The following SLX4IP variants were observed in gnomAD, a reference collection of about 807,000 sequenced individuals.
The protein encoded by SLX4IP is SLX4 interacting protein.
SLX4IP carries 34 observed loss-of-function variants against 32.9 expected under a neutral mutation model. The observed-to-expected ratio is 1.03, with a 90% confidence interval of 0.79 to 1.38. SLX4IP has a LOEUF of 1.38. Ranked by LOEUF, SLX4IP falls within the 40% of genes most tolerant of loss-of-function variation. The pLI is 0.00. For missense variants in SLX4IP, 444 were observed against 479.0 expected, an observed-to-expected ratio of 0.93 and a Z score of 0.68; for synonymous variants, 172 against 171.7, an observed-to-expected ratio of 1.00 and a Z score of -0.01.
chr20:10,529,986 C>T (rs1428583165), intron 2 of SLX4IP, among the ~76,000 whole-genome samples: 1 of 152,180 alleles, frequency 6.6e-6, no homozygotes, highest in Non-Finnish European at 1.5e-5. Flanking sequence ...CGTGAAGATT[C>T]TAGTTCTCTC....
intron 2 of SLX4IP, among the ~76,000 whole-genome samples, chr20:10,505,592 T>C (rs2065752630): frequency 6.6e-6 from 1 of 152,170 alleles, no homozygotes; most frequent in African/African-American, 2.4e-5. Context: ...GTACTGAAGA[T>C]CCGTGTTTGG....
intron 7 of SLX4IP, among the ~76,000 whole-genome samples, 186 bp from the exon 8 acceptor site, chr20:10,622,473 T>C (rs2067122693): frequency 6.6e-6 from 1 of 152,210 alleles, no homozygotes; most frequent in South Asian, 2.1e-4. Context: ...TGAAGGTTTT[T>C]GCTTGATTCA....
At chr20:10,458,843 A>G (rs1414168484) in intron 2 of SLX4IP, among the ~76,000 whole-genome samples, 1 of 152,122 alleles carries the variant, frequency 6.6e-6, no homozygotes, top group African/African-American at 2.4e-5. Context: ...GTTTCTTTAT[A>G]ATAGAATGAT....
At chr20:10,477,870 T>A (rs2065488421) in intron 2 of SLX4IP, among the ~76,000 whole-genome samples, 1 of 151,828 alleles carries the variant, frequency 6.6e-6, no homozygotes, top group African/African-American at 2.4e-5. Flanking sequence ...GAAATCTGTG[T>A]GTTGTGGTGT....
chr20:10,559,335 T>C (rs999724348), intron 3 of SLX4IP, among the ~76,000 whole-genome samples: 1 of 152,190 alleles, frequency 6.6e-6, no homozygotes, highest in African/African-American at 2.4e-5. Flanking sequence ...TCTATATTGT[T>C]TGAGGAGTAC....
intron 2 of SLX4IP, among the ~76,000 whole-genome samples, chr20:10,464,725 A>G (rs1339598669): frequency 6.6e-6 from 1 of 152,186 alleles, no homozygotes; most frequent in Non-Finnish European, 1.5e-5. Context: ...AATGGCATTA[A>G]TTATTCATGC....
At chr20:10,600,280 A>G (rs1054193880) in intron 5 of SLX4IP, among the ~76,000 whole-genome samples, 1 of 152,146 alleles carries the variant, frequency 6.6e-6, no homozygotes, top group Non-Finnish European at 1.5e-5. Flanking sequence ...CCAGGCCCCC[A>G]CCTGAAATGG....
At chr20:10,472,509 C>T (rs1054605189) in intron 2 of SLX4IP, among the ~76,000 whole-genome samples, 2 of 152,126 alleles carry the variant, frequency 1.3e-5, no homozygotes, top group Non-Finnish European at 2.9e-5. Flanking sequence ...GGATTACAGA[C>T]GTGAACCACC....
At chr20:10,455,920 G>A (rs1471428627) in intron 1 of SLX4IP, among the ~76,000 whole-genome samples, 2 of 151,942 alleles carry the variant, frequency 1.3e-5, no homozygotes, top group African/African-American at 4.8e-5. Flanking sequence ...CTATATGTCT[G>A]TTCTTATGCT....
chr20:10,617,428 G>A (rs1232602), intron 6 of SLX4IP, among the ~76,000 whole-genome samples: 41,288 of 151,878 alleles, frequency 0.27, 6,271 homozygotes, highest in Non-Finnish European at 0.34. Context: ...TACAGACTTC[G>A]TGAGGAGGTT....
At chr20:10,456,561 C>T (rs999863089) in intron 1 of SLX4IP, among the ~76,000 whole-genome samples, 13 of 151,994 alleles carry the variant, frequency 8.6e-5, no homozygotes, top group African/African-American at 2.2e-4. Context: ...AGGCTGGTCT[C>T]GAACTCCTGA....
chr20:10,455,579 T>TTTTATTTATGTATTTATTTA (rs2065277936), intron 1 of SLX4IP, among the ~76,000 whole-genome samples: 1 of 144,950 alleles, frequency 6.9e-6, no homozygotes, highest in African/African-American at 2.6e-5. Context: ...CCTGTATGTC[T>TTTTATTTATGTATTTATTTA]TTTATTTATT....
intron 2 of SLX4IP, among the ~76,000 whole-genome samples, chr20:10,475,642 C>T (rs2065469749): frequency 1.3e-5 from 2 of 152,200 alleles, no homozygotes; most frequent in Admixed American, 6.5e-5. Context: ...GTTCATGTTG[C>T]AGAAGATAGT....
intron 4 of SLX4IP, among the ~76,000 whole-genome samples, chr20:10,592,344 C>T (rs943985383): frequency 1.8e-5 from 2 of 110,036 alleles, no homozygotes; most frequent in Non-Finnish European, 3.9e-5. Context: ...CCCCTTTCTC[C>T]AACCCCCCCC....
intron 4 of SLX4IP, among the ~76,000 whole-genome samples, chr20:10,585,546 CCCTTTCCTTT>C (rs200922681): frequency 0.024 from 3,687 of 151,836 alleles, 87 homozygotes; most frequent in Admixed American, 0.086. Flanking sequence ...TTCCCCTTTC[CCCTTTCCTTT>C]CCTTTCCTTT....
chr20:10,494,517 T>C (rs1404175205), intron 2 of SLX4IP, among the ~76,000 whole-genome samples: 1 of 151,910 alleles, frequency 6.6e-6, no homozygotes, highest in African/African-American at 2.4e-5. Flanking sequence ...AATTGAGTTA[T>C]AGTTTTCTCT....
At chr20:10,562,128 AGCCGTCT>A (rs1435286191) in intron 4 of SLX4IP, among the ~76,000 whole-genome samples, 4 of 152,166 alleles carry the variant, frequency 2.6e-5, no homozygotes, top group African/African-American at 9.7e-5. Flanking sequence ...TTTTCAGTTT[AGCCGTCT>A]GCAGGCGGGT....
At chr20:10,491,817 G>T (rs959106844) in intron 2 of SLX4IP, among the ~76,000 whole-genome samples, 2 of 152,118 alleles carry the variant, frequency 1.3e-5, no homozygotes, top group African/African-American at 4.8e-5. Flanking sequence ...TTTAATACCC[G>T]TGTATGTCTC....
At chr20:10,617,506 C>G (rs1437402828) in intron 6 of SLX4IP, among the ~76,000 whole-genome samples, 1 of 152,172 alleles carries the variant, frequency 6.6e-6, no homozygotes, top group Admixed American at 6.5e-5. Context: ...CCCATTAATC[C>G]AACAGTGTTC....
Sources: gnomAD v4.1 joint callset for allele counts (sites outside exome capture counted in the v4.1 genomes callset) on GRCh38, gnomAD v4.1.1 for gene constraint, MANE v1.5 for transcripts, NCBI Gene and HGNC (gene_info 2026-07-23, HGNC 2026-07-21) for gene names.